FGF12: variants seen among roughly 807,000 people sequenced by gnomAD.
The protein encoded by FGF12 is fibroblast growth factor 12B.
Under a neutral mutation model 23.6 loss-of-function variants are expected in FGF12, and 14 were observed. The observed-to-expected ratio is 0.59, with a 90% confidence interval of 0.39 to 0.93. FGF12 has a LOEUF of 0.93. FGF12 is among the 40% of genes least tolerant of loss of function. The pLI is 0.00. For missense variants in FGF12, 175 were observed against 217.8 expected (o/e 0.80, Z 1.24); for synonymous variants, 62 against 77.3 (o/e 0.80, Z 1.04).
intron 2 of FGF12, among the ~76,000 whole-genome samples, chr3:192,578,157 A>G (rs1329692763): frequency 6.6e-6 from 1 of 152,212 alleles, no homozygotes; most frequent in Admixed American, 6.5e-5. Context: ...TACCTGTGTA[A>G]TATCAAATTA....
rs73889322 is a variant in FGF12, at chr3:192,406,097, G to T, written c.14-45559C>A. On this transcript the variant is annotated intron_variant, in intron 2 of 5. Transcript: ENST00000445105. Reference sequence around the variant, plus strand: ...GGAGGCAAATTAAACGAACACTGAAGAAAACAATAAACTCAGAAACTGCCT... The same window carrying T: ...GGAGGCAAATTAAACGAACACTGAATAAAACAATAAACTCAGAAACTGCCT... Among the ~76,000 whole-genome samples the T allele has an allele frequency of 8.6e-3, 1,304 of 152,084 alleles. 22 individuals are homozygous for T. Among genetic ancestry groups the T allele is most frequent in the African/African-American group, 0.03 (1,259 of 41,478 alleles).
intron 2 of FGF12, among the ~76,000 whole-genome samples, chr3:192,500,796 C>T (rs1424842012): frequency 6.6e-6 from 1 of 152,174 alleles, no homozygotes; most frequent in Non-Finnish European, 1.5e-5. Context: ...CATTTTACTC[C>T]TCACTATAAT....
intron 2 of FGF12, among the ~76,000 whole-genome samples, chr3:192,452,703 C>T (rs1722564005): frequency 6.6e-6 from 1 of 152,204 alleles, no homozygotes; most frequent in Non-Finnish European, 1.5e-5. Flanking sequence ...CTATGTGGCT[C>T]CACTCAGCAT....
chr3:192,458,936 G>C (rs1722770494), intron 2 of FGF12, among the ~76,000 whole-genome samples: 2 of 152,118 alleles, frequency 1.3e-5, no homozygotes, highest in South Asian at 4.1e-4. Flanking sequence ...TGCTGTTCTT[G>C]CAGTAGTGAA....
At chr3:192,471,115 G>T (rs758073854) in intron 2 of FGF12, among the ~76,000 whole-genome samples, 4 of 152,136 alleles carry the variant, frequency 2.6e-5, no homozygotes, top group African/African-American at 4.8e-5. Context: ...CCTGTTCATT[G>T]TGATGTTACC....
intron 2 of FGF12, among the ~76,000 whole-genome samples, chr3:192,499,516 A>ATTTTTTTTT (rs71177364): frequency 2.6e-5 from 1 of 38,870 alleles, no homozygotes; most frequent in Admixed American, 4.9e-4. Context: ...ATATATATAT[A>ATTTTTTTTT]TTTTTTTTTT....
intron 2 of FGF12, among the ~76,000 whole-genome samples, chr3:192,672,152 T>G (rs1717147463): frequency 1.4e-5 from 2 of 138,640 alleles, no homozygotes; most frequent in African/African-American, 5.0e-5. Flanking sequence ...ATACAGAGGC[T>G]TTATGTGTTT....
chr3:192,674,807 G>T (rs970954426), intron 2 of FGF12, among the ~76,000 whole-genome samples: 1 of 152,214 alleles, frequency 6.6e-6, no homozygotes, highest in South Asian at 2.1e-4. Flanking sequence ...AACTAGGAGA[G>T]AACTGTGTGT....
chr3:192,382,692 A>G (rs559354668), intron 2 of FGF12, among the ~76,000 whole-genome samples: 3 of 152,364 alleles, frequency 2.0e-5, no homozygotes, highest in Admixed American at 1.3e-4. Flanking sequence ...TGTGACAGTC[A>G]TAATTCATAA....
intron 2 of FGF12, among the ~76,000 whole-genome samples, chr3:192,449,157 A>C (rs1477928756): frequency 6.6e-6 from 1 of 152,138 alleles, no homozygotes; most frequent in Non-Finnish European, 1.5e-5. Flanking sequence ...TTCATTACCT[A>C]CTTGGCAACA....
intron 2 of FGF12, among the ~76,000 whole-genome samples, chr3:192,719,019 A>C (rs570999575): frequency 1.3e-5 from 2 of 152,282 alleles, no homozygotes; most frequent in African/African-American, 4.8e-5. Flanking sequence ...GGTTTAGTAC[A>C]CTGAGGTTCA....
At chr3:192,155,946 G>A (rs891143393) in intron 5 of FGF12, among the ~76,000 whole-genome samples, 1 of 152,142 alleles carries the variant, frequency 6.6e-6, no homozygotes, top group Non-Finnish European at 1.5e-5. Flanking sequence ...ATTTGTAGTA[G>A]CTCGAAGTGC....
At chr3:192,696,997 C>T (rs1479840662) in intron 2 of FGF12, among the ~76,000 whole-genome samples, 1 of 151,916 alleles carries the variant, frequency 6.6e-6, no homozygotes, top group Non-Finnish European at 1.5e-5. Context: ...GGATTGTTTG[C>T]CCCCCACACT....
At chr3:192,576,744 G>A (rs1712907171) in intron 2 of FGF12, among the ~76,000 whole-genome samples, 1 of 152,118 alleles carries the variant, frequency 6.6e-6, no homozygotes, top group South Asian at 2.1e-4. Context: ...GGGGAGGGCA[G>A]AAAAATAAAT....
intron 2 of FGF12, among the ~76,000 whole-genome samples, chr3:192,658,905 C>T (rs187037256): frequency 6.6e-6 from 1 of 152,150 alleles, no homozygotes; most frequent in African/African-American, 2.4e-5. Context: ...TCTAGAAACC[C>T]AGGTGCCAGG....
chr3:192,548,607 T>A (rs1156634896), intron 2 of FGF12, among the ~76,000 whole-genome samples: 1 of 152,156 alleles, frequency 6.6e-6, no homozygotes, highest in Non-Finnish European at 1.5e-5. Context: ...TAAGATGGGG[T>A]TAACTAATTA....
intron 2 of FGF12, among the ~76,000 whole-genome samples, chr3:192,637,765 G>T (rs753260225): frequency 6.6e-6 from 1 of 152,192 alleles, no homozygotes; most frequent in African/African-American, 2.4e-5. Flanking sequence ...AATAATAAAT[G>T]AGGGTTCTTG....
At chr3:192,179,056 C>T (rs1308392655) in intron 4 of FGF12, among the ~76,000 whole-genome samples, 1 of 152,128 alleles carries the variant, frequency 6.6e-6, no homozygotes, top group Non-Finnish European at 1.5e-5. Flanking sequence ...TGCTACTTTG[C>T]TAACTCTGTT....
chr3:192,553,096 C>T (rs1711602390), intron 2 of FGF12, among the ~76,000 whole-genome samples: 1 of 151,938 alleles, frequency 6.6e-6, no homozygotes, highest in Admixed American at 6.6e-5. Context: ...TAAAAATACG[C>T]TATAATAATT....
Sources: allele counts gnomAD v4.1 joint callset (sites outside exome capture counted in the v4.1 genomes callset), GRCh38; gene constraint gnomAD v4.1.1; transcripts MANE v1.5; gene names NCBI Gene and HGNC (gene_info 2026-07-23, HGNC 2026-07-21).